Variants in GABRA2 observed in about 807,000 individuals in gnomAD.
GABRA2 encodes gamma-aminobutyric acid type A receptor subunit alpha2.
A neutral mutation model predicts 48.7 loss-of-function variants in GABRA2; 16 were observed. That is an observed-to-expected ratio of 0.33 (90% CI 0.22 to 0.50). The LOEUF (loss-of-function observed/expected upper bound fraction) is 0.50, where lower values mean the gene tolerates loss of function less well. GABRA2 is among the 20% of genes least tolerant of loss of function. The probability of loss-of-function intolerance (pLI) is 0.98; values close to 1 mark genes in which losing one functional copy is unlikely to be tolerated. For missense variants in GABRA2, 275 were observed against 535.6 expected (o/e 0.51, Z 4.80); for synonymous variants, 185 against 184.5 (o/e 1.00, Z -0.02).
At position 46,245,246 on chromosome 4, in the gene GABRA2, C is replaced by T. The variant is rs1385147273; in HGVS notation, c.*5062G>A. ...TGTAAGAATTATACTCTGAATCATT[C>T]CAATTCAAAAAGTAAGGTATGAAAC... On this transcript the variant is annotated 3_prime_UTR_variant, in exon 10 of 10. Transcript: ENST00000381620. 6.6e-6 allele frequency among the ~76,000 whole-genome samples: 1 copy of T among 150,986 alleles called. No individual in the cohort carries two copies. Among genetic ancestry groups the T allele is most frequent in the Non-Finnish European group, 1.5e-5 (1 of 67,398 alleles).
In GABRA2 at chr4:46,389,802, G is replaced by GGGGAGAGAGAGAGAGAGAGAGAGAGA. The variant is rs1553928580; in HGVS notation, c.-79_-78insTCTCTCTCTCTCTCTCTCTCTCTCCC. 3.7e-6 allele frequency: 1 copy of GGGGAGAGAGAGAGAGAGAGAGAGAGA among 268,258 alleles called. No homozygotes were observed. The highest frequency in any genetic ancestry group is 4.3e-6 in the Non-Finnish European group (1 of 234,002). 16.6% of individuals were successfully genotyped at this position (268,258 alleles called of 1,614,324 possible). On this transcript the variant is annotated 5_prime_UTR_variant, in exon 1 of 10. Coordinates refer to ENST00000381620, the MANE Select transcript of GABRA2 (RefSeq NM_000807.4). ...TGATCTTGACGAGATAGGAAACTTG[G>GGGGAGAGAGAGAGAGAGAGAGAGAGA]GAGAGAGAGAGAGAGAGAGAGAGAG...
Position 46,250,300 on chromosome 4 carries a change from G to A in GABRA2, c.*8C>T. 6 of 1,602,386 alleles carry A rather than the reference G, an allele frequency of 3.7e-6. No homozygotes were observed. The highest frequency in any genetic ancestry group is 5.1e-6 in the Non-Finnish European group (6 of 1,173,552). ...GCTATACATCCCAAAGATAACATGG[G>A]TCTCAATTCAAGGACTGACCCCTAA... On this transcript the variant is annotated 3_prime_UTR_variant, in exon 10 of 10. Transcript: ENST00000381620.
intron 8 of GABRA2, among the ~76,000 whole-genome samples, chr4:46,290,813 A>T (rs1284574941): frequency 6.6e-6 from 1 of 152,142 alleles, no homozygotes; most frequent in East Asian, 1.9e-4. Context: ...TATGTGACAA[A>T]TTCCTGATAA....
intron 8 of GABRA2, among the ~76,000 whole-genome samples, chr4:46,296,619 A>C (rs1724737189): frequency 6.9e-6 from 1 of 145,654 alleles, no homozygotes; most frequent in South Asian, 2.1e-4. Context: ...TGGCCCAGCC[A>C]CTTCAGGAAT....
intron 8 of GABRA2, among the ~76,000 whole-genome samples, chr4:46,295,826 G>T (rs191413354): frequency 6.6e-6 from 1 of 152,142 alleles, no homozygotes; most frequent in Admixed American, 6.5e-5. Context: ...CACTTATGCC[G>T]GATATGGGTT....
At chr4:46,250,898 T>G (rs2048257776) in intron 9 of GABRA2, among the ~76,000 whole-genome samples, 1 of 151,566 alleles carries the variant, frequency 6.6e-6, no homozygotes, top group Admixed American at 6.6e-5. Flanking sequence ...ATAACTTTTC[T>G]TTTCTCATGA....
At chr4:46,372,851 A>G (rs1199396304) in intron 3 of GABRA2, among the ~76,000 whole-genome samples, 1 of 152,214 alleles carries the variant, frequency 6.6e-6, no homozygotes, top group African/African-American at 2.4e-5. Context: ...GGGGAAAATT[A>G]CAGAGATAAC....
chr4:46,369,045 T>G, intron 3 of GABRA2: 1 of 696,496 alleles, frequency 1.4e-6, no homozygotes, highest in South Asian at 1.5e-5. Flanking sequence ...CTGAGCAAAA[T>G]AATTACATAA....
chr4:46,254,390 T>G (rs1461386514), intron 9 of GABRA2, among the ~76,000 whole-genome samples: 1 of 151,592 alleles, frequency 6.6e-6, no homozygotes, highest in African/African-American at 2.4e-5. Flanking sequence ...TTTCCATAAA[T>G]GAATTTTTTA....
chr4:46,360,886 CAA>C (rs548795402), intron 3 of GABRA2, among the ~76,000 whole-genome samples: 1 of 152,168 alleles, frequency 6.6e-6, no homozygotes, highest in Non-Finnish European at 1.5e-5. Context: ...TATATTTTAG[CAA>C]AGACAGTGTT....
At chr4:46,346,444 T>C (rs1308056035) in intron 3 of GABRA2, among the ~76,000 whole-genome samples, 2 of 151,678 alleles carry the variant, frequency 1.3e-5, no homozygotes, top group Non-Finnish European at 2.9e-5. Context: ...GGTACAATCA[T>C]TTTTTAGTAT....
rs559364978 is a variant in GABRA2 at position 46,359,060 on chromosome 4, T to C, written c.188-26378A>G. Among the ~76,000 whole-genome samples, 295 of 152,296 alleles carry C rather than the reference T, an allele frequency of 1.9e-3. 3 individuals are homozygous for C. Among genetic ancestry groups the C allele is most frequent in the African/African-American group, 7.0e-3 (291 of 41,566 alleles). On this transcript the variant is annotated intron_variant, in intron 3 of 9. Coordinates refer to ENST00000381620, the MANE Select transcript of GABRA2 (RefSeq NM_000807.4). Reference sequence around the variant, plus strand: ...TTTATTTTCATTTTCAGACATGACATCAAAACTTAGTTTAAGTATAAGGTA... The same window carrying C: ...TTTATTTTCATTTTCAGACATGACACCAAAACTTAGTTTAAGTATAAGGTA...
chr4:46,269,708 A>T (rs1718917486), intron 8 of GABRA2, among the ~76,000 whole-genome samples: 1 of 151,838 alleles, frequency 6.6e-6, no homozygotes, highest in South Asian at 2.1e-4. Context: ...CTTGTGGCTG[A>T]CTTTTTTTTG....
At chr4:46,378,475 G>A (rs1424620102) in intron 3 of GABRA2, among the ~76,000 whole-genome samples, 9 of 151,232 alleles carry the variant, frequency 6.0e-5, no homozygotes, top group Admixed American at 3.3e-4. Flanking sequence ...CTCGTTAAGA[G>A]TCATCACCAC....
intron 3 of GABRA2, chr4:46,368,424 A>G (rs1335301479): frequency 6.6e-6 from 1 of 152,288 alleles, no homozygotes; most frequent in African/African-American, 2.4e-5. Flanking sequence ...CTATGAGAGA[A>G]AGAAGAAAGA....
chr4:46,251,365 A>G (rs1714717593), intron 9 of GABRA2, among the ~76,000 whole-genome samples: 1 of 151,498 alleles, frequency 6.6e-6, no homozygotes, highest in African/African-American at 2.4e-5. Context: ...CCCTTAAATA[A>G]TATTTCATGG....
intron 8 of GABRA2, among the ~76,000 whole-genome samples, chr4:46,271,325 A>G (rs750530299): frequency 6.6e-6 from 1 of 152,050 alleles, no homozygotes; most frequent in African/African-American, 2.4e-5. Flanking sequence ...TATGCACAAG[A>G]CCAGGTTGTA....
intron 3 of GABRA2, among the ~76,000 whole-genome samples, chr4:46,384,184 C>A (rs996151267): frequency 2.0e-5 from 3 of 152,122 alleles, no homozygotes; most frequent in Non-Finnish European, 1.5e-5. Flanking sequence ...CTTCCACTAT[C>A]CCTCGCCACC....
At chr4:46,296,466 T>A (rs934951446) in intron 8 of GABRA2, among the ~76,000 whole-genome samples, 1 of 152,076 alleles carries the variant, frequency 6.6e-6, no homozygotes, top group Non-Finnish European at 1.5e-5. Flanking sequence ...TCTATCAAGA[T>A]GAAATCAGTC....
Sources: gnomAD v4.1 joint callset for allele counts (sites outside exome capture counted in the v4.1 genomes callset) on GRCh38, gnomAD v4.1.1 for gene constraint, MANE v1.5 for transcripts, NCBI Gene and HGNC (gene_info 2026-07-23, HGNC 2026-07-21) for gene names.